Variants in XKR6 observed in about 807,000 individuals in gnomAD.
XKR6 encodes the protein XK-related protein 6.
A neutral mutation model predicts 56.7 loss-of-function variants in XKR6; 22 were observed. The ratio of observed to expected loss-of-function variants is 0.39; its 90% CI spans 0.28 to 0.55. The LOEUF (loss-of-function observed/expected upper bound fraction) is 0.55, where lower values mean the gene tolerates loss of function less well. XKR6 is among the 20% of genes least tolerant of loss of function. XKR6 has a pLI of 0.66. For missense variants in XKR6, 852 were observed against 889.0 expected, an observed-to-expected ratio of 0.96 and a Z score of 0.53; for synonymous variants, 524 against 387.8, an observed-to-expected ratio of 1.35 and a Z score of -4.13.
chr8:11,093,005 G>A (rs1798128063), intron 1 of XKR6, among the ~76,000 whole-genome samples: 2 of 151,912 alleles, frequency 1.3e-5, no homozygotes, highest in South Asian at 4.1e-4. Flanking sequence ...CAGCTTGCTT[G>A]CTTTTCTTTC....
At position 11,201,064 on chromosome 8, in the gene XKR6, G is replaced by T. The variant is rs757336686; in HGVS notation, c.276C>A (p.Asp92Glu). ...PRRSAAADGG[D>E]QPLQPPAAPG... ...GGGCCGCGGGAGGCTGCAGCGGCTG[G>T]TCCCCCCCGTCGGCGGCGGCGCTGC... The change falls in exon 1 of 3, where the codon GAC (aspartate) becomes GAA (glutamate). Residue 92 changes from aspartate (D) to glutamate (E), a missense_variant. By Grantham distance (45) the Asp-to-Glu change is conservative (BLOSUM62 2). This residue lies in a region of XKR6 where 417 missense variants were observed against 355.2 expected (regional missense o/e 1.17). Transcript: ENST00000416569. The T allele has an allele frequency of 2.3e-6, 3 of 1,309,956 alleles. No individual in the cohort carries two copies. In the African/African-American group the frequency reaches 4.7e-5, roughly 20 times the overall value. 81.1% of individuals were successfully genotyped at this position (1,309,956 alleles called of 1,614,324 possible). A position where few individuals can be genotyped will look rare whatever the true frequency, so the allele number is the denominator to read the frequency against.
At chr8:11,118,957 T>G (rs2129182708) in intron 1 of XKR6, among the ~76,000 whole-genome samples, 1 of 152,350 alleles carries the variant, frequency 6.6e-6, no homozygotes, top group Admixed American at 6.5e-5. Context: ...GTGCTATAAC[T>G]TTCACTCTAT....
Position 11,115,947 on chromosome 8 carries a change from T to C in XKR6, c.764+84629A>G, listed in dbSNP as rs149998668. Reference sequence around the variant, plus strand: ...TGAAATGTTTTGACTCTGAAGTTCATAGGTCTCAGAAAATACTTTAAAGTA... The same window carrying C: ...TGAAATGTTTTGACTCTGAAGTTCACAGGTCTCAGAAAATACTTTAAAGTA... On this transcript the variant is annotated intron_variant, in intron 1 of 2. Transcript: ENST00000416569. Among the ~76,000 whole-genome samples the C allele has an allele frequency of 8.7e-4, 133 of 152,346 alleles. 1 individual carries two copies. The highest frequency in any genetic ancestry group is 4.3e-3 in the Admixed American group (66 of 15,306).
At chr8:11,084,137 A>T (rs1797810656) in intron 1 of XKR6, among the ~76,000 whole-genome samples, 1 of 152,216 alleles carries the variant, frequency 6.6e-6, no homozygotes, top group Non-Finnish European at 1.5e-5. Context: ...CCACTGTGTG[A>T]TTGCCTGGGT....
In XKR6 at chr8:11,045,314, C is replaced by T. The variant is rs1439184242; in HGVS notation, c.765-120484G>A. Among the ~76,000 whole-genome samples the T allele has an allele frequency of 2.6e-5, 4 of 151,932 alleles. No homozygotes were observed. The East Asian group carries it at 7.8e-4, about 30-fold the overall frequency. On this transcript the variant is annotated intron_variant, in intron 1 of 2. Transcript: ENST00000416569. ...TGTTGACTAGGCTGGTCTCGAACTC[C>T]TAACCTCAAGTGATCTACCCATCTT...
chr8:10,954,369 G>A (rs956491494), intron 1 of XKR6, among the ~76,000 whole-genome samples: 1 of 152,228 alleles, frequency 6.6e-6, no homozygotes, highest in African/African-American at 2.4e-5. Flanking sequence ...TGGGTGTGAC[G>A]TGGTATCACA....
At chr8:11,142,533 C>T (rs1800759676) in intron 1 of XKR6, among the ~76,000 whole-genome samples, 1 of 152,150 alleles carries the variant, frequency 6.6e-6, no homozygotes, top group Non-Finnish European at 1.5e-5. Flanking sequence ...ACACCATCTC[C>T]TTGGTGATGA....
intron 1 of XKR6, among the ~76,000 whole-genome samples, chr8:11,174,624 G>A (rs58518000): frequency 0.035 from 5,286 of 152,240 alleles, 310 homozygotes; most frequent in African/African-American, 0.12. Context: ...TGTGAGGCAA[G>A]GAACAAAGCG....
At chr8:11,036,059 T>G (rs575708047) in intron 1 of XKR6, among the ~76,000 whole-genome samples, 25 of 147,652 alleles carry the variant, frequency 1.7e-4, no homozygotes, top group Non-Finnish European at 3.4e-4. Context: ...TCCTCCTGCC[T>G]CAGCCTCTTG....
chr8:11,152,847 C>T (rs1188356945), intron 1 of XKR6, among the ~76,000 whole-genome samples: 2 of 152,098 alleles, frequency 1.3e-5, no homozygotes, highest in Non-Finnish European at 2.9e-5. Context: ...TGAGAAGTTT[C>T]CTATGCAGTC....
intron 1 of XKR6, among the ~76,000 whole-genome samples, chr8:11,116,405 C>CTG (rs1298893039): frequency 6.6e-6 from 1 of 152,158 alleles, no homozygotes; most frequent in Non-Finnish European, 1.5e-5. Context: ...GAGTCTTGCT[C>CTG]TGTTATGCAG....
At chr8:10,993,756 C>A (rs1000312098) in intron 1 of XKR6, among the ~76,000 whole-genome samples, 2 of 152,206 alleles carry the variant, frequency 1.3e-5, no homozygotes, top group Non-Finnish European at 2.9e-5. Flanking sequence ...TCCTGCTCCT[C>A]CTCTGTGGTC....
chr8:11,140,208 T>C (rs1800620196), intron 1 of XKR6, among the ~76,000 whole-genome samples: 1 of 147,986 alleles, frequency 6.8e-6, no homozygotes, highest in African/African-American at 2.5e-5. Flanking sequence ...CTGAAACAGA[T>C]AACAGGAGTC....
intron 1 of XKR6, among the ~76,000 whole-genome samples, chr8:11,041,360 A>T (rs993984327): frequency 6.6e-6 from 1 of 152,172 alleles, no homozygotes; most frequent in African/African-American, 2.4e-5. Flanking sequence ...GTTTGAGATC[A>T]GTCTGGCCAA....
At chr8:11,100,098 G>A (rs571623093) in intron 1 of XKR6, among the ~76,000 whole-genome samples, 6 of 152,204 alleles carry the variant, frequency 3.9e-5, no homozygotes, top group South Asian at 4.2e-4. Context: ...GTCGCCCAGG[G>A]TGGAGTGCAG....
At chr8:11,056,734 C>G (rs140420980) in intron 1 of XKR6, among the ~76,000 whole-genome samples, 1 of 152,152 alleles carries the variant, frequency 6.6e-6, no homozygotes, top group Non-Finnish European at 1.5e-5. Flanking sequence ...CTGTGTGACC[C>G]CACTACCTTT....
Position 11,016,082 on chromosome 8 carries a change from G to C in XKR6, c.765-91252C>G, listed in dbSNP as rs1335438192. Among the ~76,000 whole-genome samples, 4 of 152,150 alleles carry C rather than the reference G, an allele frequency of 2.6e-5. 1 individual carries two copies. The highest frequency in any genetic ancestry group is 9.6e-5 in the African/African-American group (4 of 41,454). ...TCCACTGCGCCCCCACAAGCCCCGA[G>C]CTCGCCAGTCCTTCCCCGCGGCGCT... On this transcript the variant is annotated intron_variant, in intron 1 of 2. Coordinates refer to ENST00000416569, the MANE Select transcript of XKR6 (RefSeq NM_173683.4).
intron 1 of XKR6, among the ~76,000 whole-genome samples, chr8:11,149,056 G>A (rs1010361969): frequency 3.3e-5 from 5 of 152,198 alleles, no homozygotes; most frequent in African/African-American, 1.2e-4. Flanking sequence ...AAACTGTGGG[G>A]GTCTCAGGAC....
chr8:11,038,546 TGTG>T (rs2129154877), intron 1 of XKR6, among the ~76,000 whole-genome samples: 1 of 134,226 alleles, frequency 7.5e-6, no homozygotes, highest in African/African-American at 3.1e-5. Context: ...TGTGTGTGTG[TGTG>T]TTTGAGGCAG....
Sources: allele counts gnomAD v4.1 joint callset (sites outside exome capture counted in the v4.1 genomes callset), GRCh38; gene constraint gnomAD v4.1.1; regional missense constraint gnomAD v4.1.1; transcripts MANE v1.5; gene names NCBI Gene and HGNC (gene_info 2026-07-23, HGNC 2026-07-21).